The following IKZF2 variants were observed in gnomAD, a reference collection of about 807,000 sequenced individuals.
The protein encoded by IKZF2 is IKAROS family zinc finger 2.
IKZF2 carries 15 observed loss-of-function variants against 49.2 expected under a neutral mutation model. The observed-to-expected ratio is 0.30, with a 90% CI of 0.20 to 0.47. IKZF2 has a LOEUF of 0.47. IKZF2 is among the 20% of genes least tolerant of loss of function. The pLI, the probability that IKZF2 is intolerant of heterozygous loss-of-function variation, is 1.00. For missense variants in IKZF2, 567 were observed against 664.6 expected (o/e 0.85, Z 1.61); for synonymous variants, 227 against 221.4 (o/e 1.03, Z -0.23).
At chr2:213,124,226 A>G (rs1031221637) in intron 4 of IKZF2, among the ~76,000 whole-genome samples, 15 of 143,504 alleles carry the variant, frequency 1.0e-4, no homozygotes, top group African/African-American at 3.3e-4. Context: ...CCTTGTGTGC[A>G]CGCACACATG....
chr2:213,151,680 G>A (rs1329332054), upstream of IKZF2: 1 of 149,494 alleles, frequency 6.7e-6, no homozygotes, highest in Non-Finnish European at 1.5e-5. Context: ...CCCGCCGGCC[G>A]GGCTCGCGCA....
At chr2:213,101,848 G>C (rs1706722897) in intron 4 of IKZF2, among the ~76,000 whole-genome samples, 1 of 152,134 alleles carries the variant, frequency 6.6e-6, no homozygotes, top group Admixed American at 6.6e-5. Flanking sequence ...CTCACACCTA[G>C]AGTGCAAAGA....
Position 213,008,051 on chromosome 2 carries a change from A to G in IKZF2, c.890T>C (p.Ile297Thr), listed in dbSNP as rs1283272381. ...ATATGTTAAGTTCATATCAAAGTGAATATCTGGGTAGCTGAATCGCATGAG... is the reference window on the plus strand; with the variant it reads ...ATATGTTAAGTTCATATCAAAGTGAGTATCTGGGTAGCTGAATCGCATGAG... The part of the protein sequence containing the change: ...EKLMRFSYPD[I>T]HFDMNLTYEK... The change falls in exon 9 of 9, where the codon ATT (isoleucine) becomes ACT (threonine). Residue 297 changes from isoleucine to threonine, a missense_variant. Transcript: ENST00000434687. 2.5e-6 allele frequency: 4 copies of G among 1,611,350 alleles called. No individual in the cohort carries two copies. Among genetic ancestry groups the G allele is most frequent in the African/African-American group, 1.3e-5 (1 of 74,854 alleles).
At chr2:213,089,768 T>C (rs912136992) in intron 4 of IKZF2, among the ~76,000 whole-genome samples, 17 of 152,018 alleles carry the variant, frequency 1.1e-4, no homozygotes, top group African/African-American at 3.4e-4. Flanking sequence ...GAAGGGTTAG[T>C]AAAAGGTAAG....
At chr2:213,012,155 T>C (rs1323661467) in intron 8 of IKZF2, among the ~76,000 whole-genome samples, 1 of 152,016 alleles carries the variant, frequency 6.6e-6, no homozygotes, top group East Asian at 1.9e-4. Flanking sequence ...GTAGTTACTA[T>C]GGCTACTGTT....
Position 213,049,715 on chromosome 2 carries a change from G to A in IKZF2, c.572C>T (p.Ser191Phe). 1.3e-6 allele frequency: 2 copies of A among 1,567,716 alleles called. No homozygotes were observed. Among genetic ancestry groups the A allele is most frequent in the Non-Finnish European group, 1.7e-6 (2 of 1,155,218 alleles). The change falls in exon 6 of 9, where the codon TCT becomes TTT. Residue 191 changes from serine (S) to phenylalanine (F), a missense_variant and splice_region_variant. This residue lies in a region of IKZF2 where 54 missense variants were observed against 119.9 expected (regional missense o/e 0.45). Coordinates refer to ENST00000434687, the MANE Select transcript of IKZF2 (RefSeq NM_001387220.1). ...DALTGHLRTH[S>F]VGKPHKCNYC... ...CTCAAGGAGTTGGTGACACTTACCA[G>A]AATGGGTCCTGAGGTGTCCTGTGAG...
At chr2:213,145,340 G>C (rs1559331492) in intron 4 of IKZF2, among the ~76,000 whole-genome samples, 1 of 151,800 alleles carries the variant, frequency 6.6e-6, no homozygotes, top group Non-Finnish European at 1.5e-5. Context: ...TTGCAATTCT[G>C]TTTTTGGAAG....
intron 4 of IKZF2, among the ~76,000 whole-genome samples, chr2:213,093,775 G>T (rs1705629902): frequency 6.6e-6 from 1 of 152,124 alleles, no homozygotes; most frequent in South Asian, 2.1e-4. Flanking sequence ...TATTGTCTTG[G>T]AAGAAATCTT....
At chr2:213,079,112 C>T (rs1703609074) in intron 4 of IKZF2, among the ~76,000 whole-genome samples, 1 of 151,980 alleles carries the variant, frequency 6.6e-6, no homozygotes, top group East Asian at 1.9e-4. Flanking sequence ...GGTTGGGTGT[C>T]ATGGCTCATG....
At chr2:213,137,019 A>G (rs2060700656) in intron 4 of IKZF2, among the ~76,000 whole-genome samples, 1 of 152,160 alleles carries the variant, frequency 6.6e-6, no homozygotes, top group Non-Finnish European at 1.5e-5. Flanking sequence ...AACTATTCAA[A>G]TGCATCCCCA....
chr2:213,150,116 A>C (rs956139292), intron 2 of IKZF2, 28 bp downstream of exon 2: 1 of 1,231,586 alleles, frequency 8.1e-7, no homozygotes, highest in African/African-American at 1.6e-5. Flanking sequence ...AAAAAGAAAA[A>C]GGAGAAAGAG....
chr2:213,060,006 T>A (rs1185275580), intron 4 of IKZF2, among the ~76,000 whole-genome samples: 1 of 151,388 alleles, frequency 6.6e-6, no homozygotes, highest in Non-Finnish European at 1.5e-5. Context: ...AGTAAATCAA[T>A]AAAGTGCAAC....
intron 8 of IKZF2, among the ~76,000 whole-genome samples, chr2:213,011,296 T>C (rs1382539085): frequency 6.6e-6 from 1 of 151,904 alleles, no homozygotes; most frequent in African/African-American, 2.4e-5. Context: ...TAAAGGAAGA[T>C]TTTTTTTAAT....
chr2:213,115,903 G>C (rs746089301), intron 4 of IKZF2, among the ~76,000 whole-genome samples: 1 of 151,334 alleles, frequency 6.6e-6, no homozygotes, highest in Admixed American at 6.6e-5. Context: ...ACAATGTATG[G>C]GTGTATGACA....
intron 4 of IKZF2, among the ~76,000 whole-genome samples, chr2:213,083,693 C>A (rs116571226): frequency 1.1e-3 from 167 of 151,196 alleles, no homozygotes; most frequent in Non-Finnish European, 1.6e-3. Flanking sequence ...TGAAGCACTG[C>A]GCCCAGCCTC....
At chr2:213,150,487 C>T (rs1010629305) in intron 1 of IKZF2, 1 of 239,756 alleles carries the variant, frequency 4.2e-6, no homozygotes, top group Non-Finnish European at 8.8e-6. Flanking sequence ...CGTCCTCCTC[C>T]TCCTCCTCCT....
intron 4 of IKZF2, among the ~76,000 whole-genome samples, chr2:213,107,949 G>A (rs1416701695): frequency 1.3e-5 from 2 of 152,112 alleles, no homozygotes; most frequent in Non-Finnish European, 2.9e-5. Context: ...CTATGATTAA[G>A]TGAAATGTAA....
rs1345196342 is a variant in IKZF2 at position 213,006,854 on chromosome 2, T to G, written c.*506A>C. 6.4e-6 allele frequency: 1 copy of G among 155,180 alleles called. No homozygotes were observed. The highest frequency in any genetic ancestry group is 1.9e-4 in the East Asian group (1 of 5,220). 9.6% of individuals were successfully genotyped at this position (155,180 alleles called of 1,614,324 possible). A position where few individuals can be genotyped will look rare whatever the true frequency, so the allele number is the denominator to read the frequency against. On this transcript the variant is annotated 3_prime_UTR_variant, in exon 9 of 9. Coordinates refer to ENST00000434687, the MANE Select transcript of IKZF2 (RefSeq NM_001387220.1). ...TCCTCTTAGGAGTTATCACTGAAAA[T>G]AACAATGTGTTTGTGTTCCATGATC...
chr2:213,056,710 G>T, intron 5 of IKZF2, 123 bp downstream of exon 5: 1 of 1,173,638 alleles, frequency 8.5e-7, no homozygotes, highest in Non-Finnish European at 1.2e-6. Context: ...AATACTAGCA[G>T]AATTCTGAAA....
Sources: allele counts gnomAD v4.1 joint callset (sites outside exome capture counted in the v4.1 genomes callset), GRCh38; gene constraint gnomAD v4.1.1; regional missense constraint gnomAD v4.1.1; transcripts MANE v1.5; gene names NCBI Gene and HGNC (gene_info 2026-07-23, HGNC 2026-07-21).